PTPRC: variants seen among roughly 807,000 people sequenced by gnomAD.
The protein encoded by PTPRC is receptor-type tyrosine-protein phosphatase C.
A neutral mutation model predicts 155.9 loss-of-function variants in PTPRC; 44 were observed. The observed-to-expected ratio is 0.28, with a 90% CI of 0.22 to 0.36. PTPRC has a LOEUF of 0.36. Ranked by LOEUF, PTPRC falls within the 10% of genes least tolerant of loss-of-function variation. PTPRC has a pLI of 1.00. For missense variants in PTPRC, 1,401 were observed against 1,564.6 expected, an observed-to-expected ratio of 0.90 and a Z score of 1.76; for synonymous variants, 525 against 533.1, an observed-to-expected ratio of 0.98 and a Z score of 0.21.
At chr1:198,640,405 C>T (rs1033787709) in intron 2 of PTPRC, among the ~76,000 whole-genome samples, 3 of 151,894 alleles carry the variant, frequency 2.0e-5, no homozygotes, top group Non-Finnish European at 4.4e-5. Context: ...AGGGAAGTAG[C>T]TACCTCTTGA....
chr1:198,660,933 C>G (rs772957124), intron 2 of PTPRC, among the ~76,000 whole-genome samples: 2 of 152,128 alleles, frequency 1.3e-5, no homozygotes, highest in African/African-American at 2.4e-5. Flanking sequence ...TCAGTAAGCT[C>G]TCTTTTCAAT....
intron 2 of PTPRC, among the ~76,000 whole-genome samples, chr1:198,670,931 C>T (rs1302989133): frequency 6.6e-6 from 1 of 151,928 alleles, no homozygotes; most frequent in Non-Finnish European, 1.5e-5. Context: ...ATTTACATAG[C>T]ATTTATTTTG....
At chr1:198,652,037 G>C (rs1044677332) in intron 2 of PTPRC, among the ~76,000 whole-genome samples, 2 of 151,768 alleles carry the variant, frequency 1.3e-5, no homozygotes, top group Non-Finnish European at 2.9e-5. Flanking sequence ...AAAAGAGTAA[G>C]TAACTTAAAT....
At chr1:198,656,497 G>A (rs1311768886) in intron 2 of PTPRC, among the ~76,000 whole-genome samples, 1 of 151,944 alleles carries the variant, frequency 6.6e-6, no homozygotes, top group Non-Finnish European at 1.5e-5. Context: ...TTTTGCCCAT[G>A]GATCCAGATA....
intron 2 of PTPRC, among the ~76,000 whole-genome samples, chr1:198,664,842 C>T (rs1435640299): frequency 1.3e-5 from 2 of 152,158 alleles, no homozygotes; most frequent in East Asian, 1.9e-4. Flanking sequence ...CACATAGGCT[C>T]TAGCATTGGA....
intron 30 of PTPRC, 48 bp from the exon 31 acceptor site, chr1:198,752,546 T>G (rs1385303331): frequency 6.3e-7 from 1 of 1,578,172 alleles, no homozygotes; most frequent in African/African-American, 1.4e-5. Flanking sequence ...AATTAGAAAA[T>G]AAGCTGAACT....
intron 13 of PTPRC, 72 bp from the exon 14 acceptor site, chr1:198,718,022 C>T (rs1406529399): frequency 8.2e-7 from 1 of 1,221,358 alleles, no homozygotes; most frequent in African/African-American, 1.5e-5. Context: ...TATACTATAT[C>T]CAAGTATTGT....
chr1:198,739,852 T>TAAAAA (rs141418006), intron 23 of PTPRC, among the ~76,000 whole-genome samples: 5 of 151,224 alleles, frequency 3.3e-5, no homozygotes, highest in African/African-American at 9.7e-5. Context: ...CTTACAAAAT[T>TAAAAA]AAAAAAAAAT....
Position 198,696,762 on chromosome 1 carries a change from C to T in PTPRC, c.151C>T (p.Pro51Ser), listed in dbSNP as rs746435286. 29 of 1,613,978 alleles carry T rather than the reference C, an allele frequency of 1.8e-5. No individual in the cohort carries two copies. In the South Asian group the frequency reaches 3.1e-4, roughly 17 times the overall value. The change falls in exon 4 of 33, where the codon CCT (proline) becomes TCT (serine). Residue 51 changes from proline (P) to serine (S), a missense_variant. Pro to Ser is a moderately conservative substitution (Grantham distance 74). Around this residue, in one of 3 missense-constraint regions of PTPRC, gnomAD observed 867 missense variants for 970.4 expected, o/e 0.89. Transcript: ENST00000442510. ...TGTTCCACTTTCAAGTGACCCCTTA[C>T]CTACTCACACCACTGCATTCTCACC... is the stretch of plus-strand genomic sequence containing the variant. ...PSVPLSSDPLPTHTTAFSPAS... is the reference protein window; with the variant it reads ...PSVPLSSDPLSTHTTAFSPAS...
intron 11 of PTPRC, 46 bp from the exon 12 acceptor site, chr1:198,712,907 C>T (rs778820405): frequency 1.3e-5 from 21 of 1,555,886 alleles, no homozygotes; most frequent in Admixed American, 1.7e-5. Flanking sequence ...ATGCTTTATC[C>T]ATGTCTTATT....
chr1:198,708,990 A>G (rs1414830993), intron 10 of PTPRC, among the ~76,000 whole-genome samples: 3 of 152,208 alleles, frequency 2.0e-5, no homozygotes, highest in Non-Finnish European at 4.4e-5. Context: ...TCACCTAATC[A>G]CCATAGTATA....
intron 17 of PTPRC, among the ~76,000 whole-genome samples, chr1:198,730,686 A>G (rs1194538689): frequency 3.9e-5 from 6 of 152,164 alleles, no homozygotes; most frequent in African/African-American, 1.4e-4. Flanking sequence ...GGAACGCAGT[A>G]GAATTTACTC....
At chr1:198,734,460 G>T in intron 22 of PTPRC, 35 bp downstream of exon 22, 1 of 1,588,126 alleles carries the variant, frequency 6.3e-7, no homozygotes, top group South Asian at 1.1e-5. Context: ...GTGGGTCTTG[G>T]GGTTAGGAAA....
At chr1:198,659,217 T>C (rs1009883914) in intron 2 of PTPRC, among the ~76,000 whole-genome samples, 21 of 152,204 alleles carry the variant, frequency 1.4e-4, no homozygotes, top group African/African-American at 4.3e-4. Flanking sequence ...CTTCATGTTT[T>C]GATTTCTGCC....
intron 2 of PTPRC, among the ~76,000 whole-genome samples, chr1:198,665,241 C>T (rs1243167918): frequency 9.3e-5 from 14 of 151,170 alleles, no homozygotes; most frequent in African/African-American, 2.9e-4. Context: ...AGGCGCCCGC[C>T]GCCACGCCTG....
rs1654927716 is a variant in PTPRC, at chr1:198,742,094, C to G, written c.2561+68C>G. The G allele has an allele frequency of 4.9e-5, 79 of 1,601,956 alleles. No homozygotes were observed. In the Middle Eastern group the frequency reaches 1.7e-3, roughly 34 times the overall value. Reference sequence around the variant, plus strand: ...TCCAACAGAATCCACCTGCCTAGGGCTGTTAGAGACATCTTTCCCTTTGGC... The same window carrying G: ...TCCAACAGAATCCACCTGCCTAGGGGTGTTAGAGACATCTTTCCCTTTGGC... On this transcript the variant is annotated intron_variant, in intron 24 of 32. Coordinates refer to ENST00000442510, the MANE Select transcript of PTPRC (RefSeq NM_002838.5).
intron 23 of PTPRC, among the ~76,000 whole-genome samples, chr1:198,740,293 A>G (rs950842308): frequency 2.0e-5 from 3 of 151,866 alleles, no homozygotes; most frequent in Admixed American, 6.6e-5. Context: ...GAGAAAATTG[A>G]CAGGCCAGGT....
intron 3 of PTPRC, chr1:198,694,915 G>A (rs556551519): frequency 1.2e-5 from 12 of 976,574 alleles, no homozygotes; most frequent in African/African-American, 1.8e-5. Context: ...AGTTGGCTAT[G>A]CTGGCATGTC....
intron 15 of PTPRC, among the ~76,000 whole-genome samples, chr1:198,726,947 C>G (rs765250557): frequency 2.0e-5 from 3 of 150,908 alleles, no homozygotes; most frequent in Middle Eastern, 3.4e-3. Context: ...ACTGCAACCT[C>G]TGCCTCCTCG....
Sources: allele counts gnomAD v4.1 joint callset (sites outside exome capture counted in the v4.1 genomes callset), GRCh38; gene constraint gnomAD v4.1.1; regional missense constraint gnomAD v4.1.1; transcripts MANE v1.5; gene names NCBI Gene and HGNC (gene_info 2026-07-23, HGNC 2026-07-21).